Variants in AGO2 observed in about 807,000 individuals in gnomAD.
AGO2 encodes the protein protein argonaute-2.
A neutral mutation model predicts 102.3 loss-of-function variants in AGO2; 5 were observed. That is an observed-to-expected ratio of 0.05 (90% CI 0.03 to 0.10). The LOEUF is 0.10. Ranked by LOEUF, AGO2 falls within the 10% of genes least tolerant of loss-of-function variation. AGO2 has a pLI of 1.00. For synonymous variants in AGO2, 449 were observed against 473.1 expected (o/e 0.95, Z 0.66); for missense variants, 541 against 1,183.7 (o/e 0.46, Z 7.97).
At chr8:140,559,651 C>T in intron 5 of AGO2, 122 bp from the exon 6 acceptor site, 1 of 1,331,800 alleles carries the variant, frequency 7.5e-7, no homozygotes, top group Non-Finnish European at 1.0e-6. Flanking sequence ...CCGGGGTTCT[C>T]ACTCCCTACT....
At position 140,561,904 on chromosome 8, in the gene AGO2, C is replaced by T. The variant is rs571515122; in HGVS notation, c.518+549G>A. On this transcript the variant is annotated intron_variant, in intron 4 of 18. Coordinates refer to ENST00000220592, the MANE Select transcript of AGO2 (RefSeq NM_012154.5). ...TGAGCTGGCCTTGCTCCTGCAACAG[C>T]GGGCCACTCAGGAAATTAGTGCAAC... Among the ~76,000 whole-genome samples, 40 of 152,360 alleles carry T rather than the reference C, an allele frequency of 2.6e-4. 1 individual carries two copies. In the South Asian group the frequency reaches 4.1e-3, roughly 16 times the overall value.
At position 140,601,079 on chromosome 8, in the gene AGO2, A is replaced by G. The variant is rs763638566; in HGVS notation, c.23-15768T>C. Among the ~76,000 whole-genome samples, 128 of 152,312 alleles carry G rather than the reference A, an allele frequency of 8.4e-4. 1 individual carries two copies. The highest frequency in any genetic ancestry group is 1.0e-3 in the Non-Finnish European group (69 of 68,024). On this transcript the variant is annotated intron_variant, in intron 1 of 18. Transcript: ENST00000220592. ...CCCTGTGTCCACACAGCAGCCAGAGATACCAGGAAGGGCGACTGGGTCATC... is the reference window on the plus strand; with the variant it reads ...CCCTGTGTCCACACAGCAGCCAGAGGTACCAGGAAGGGCGACTGGGTCATC...
chr8:140,551,190 C>T (rs1251280004), intron 11 of AGO2, 113 bp downstream of exon 11: 10 of 1,271,570 alleles, frequency 7.9e-6, no homozygotes, highest in Non-Finnish European at 1.0e-5. Context: ...ACATCAAAAC[C>T]CATACCAGCA....
chr8:140,568,299 A>AG (rs1554705219), intron 3 of AGO2, among the ~76,000 whole-genome samples: 1 of 150,316 alleles, frequency 6.7e-6, no homozygotes, highest in Non-Finnish European at 1.5e-5. Context: ...AAAAAAAAAA[A>AG]AGAGAGAGCA....
intron 1 of AGO2, among the ~76,000 whole-genome samples, chr8:140,624,460 C>A (rs904438949): frequency 6.6e-6 from 1 of 152,250 alleles, no homozygotes; most frequent in Non-Finnish European, 1.5e-5. Context: ...ATCCAAACAC[C>A]CCTCCAGCTC....
chr8:140,565,915 T>C (rs2073276605), intron 3 of AGO2, among the ~76,000 whole-genome samples: 1 of 151,988 alleles, frequency 6.6e-6, no homozygotes, highest in South Asian at 2.1e-4. Flanking sequence ...CCCATCTCTG[T>C]GCTCCCAGTT....
intron 1 of AGO2, among the ~76,000 whole-genome samples, chr8:140,630,506 A>C (rs1042549520): frequency 6.6e-6 from 1 of 152,260 alleles, no homozygotes; most frequent in African/African-American, 2.4e-5. Flanking sequence ...ACAGCGAACA[A>C]GTGCAGGCCC....
chr8:140,603,135 C>T (rs1401615408), intron 1 of AGO2, among the ~76,000 whole-genome samples: 2 of 152,166 alleles, frequency 1.3e-5, no homozygotes, highest in East Asian at 1.9e-4. Context: ...TCGGATGGTG[C>T]GGGTTGACTC....
intron 2 of AGO2, among the ~76,000 whole-genome samples, chr8:140,581,264 T>A (rs972784808): frequency 6.6e-6 from 1 of 152,148 alleles, no homozygotes; most frequent in Non-Finnish European, 1.5e-5. Flanking sequence ...CCTGTAATTC[T>A]AGCACTTTGA....
rs759574901 is a variant in AGO2, at chr8:140,532,525, G to A, written c.2362C>T (p.His788Tyr). The A allele has an allele frequency of 6.2e-7, 1 of 1,614,282 alleles. No individual in the cohort carries two copies. ...ELQILTYQLC[H>Y]TYVRCTRSVS... The stretch of plus-strand genomic sequence containing the variant: ...GAGCGTGTGCAGCGCACGTAGGTGT[G>A]ACACAGCTGGTAGGTTAGGATCTGC... The change falls in exon 18 of 19, where the codon CAC (histidine) becomes TAC (tyrosine). Residue 788 changes from histidine (H) to tyrosine (Y), a missense_variant. By Grantham distance (83) the His-to-Tyr change is moderately conservative. This residue lies in a region of AGO2 where 309 missense variants were observed against 735.1 expected (regional missense o/e 0.42). Transcript: ENST00000220592.
intron 2 of AGO2, among the ~76,000 whole-genome samples, chr8:140,574,515 T>C (rs1486546691): frequency 6.6e-6 from 1 of 152,096 alleles, no homozygotes; most frequent in African/African-American, 2.4e-5. Flanking sequence ...CCTCCTGCCT[T>C]TGCCTCCTAA....
chr8:140,553,009 A>G (rs1321065696), intron 10 of AGO2, among the ~76,000 whole-genome samples: 1 of 152,242 alleles, frequency 6.6e-6, no homozygotes, highest in Non-Finnish European at 1.5e-5. Context: ...TGCACTAACA[A>G]TGGACCAGGG....
chr8:140,599,827 T>G (rs180803281), intron 1 of AGO2, among the ~76,000 whole-genome samples: 30 of 152,286 alleles, frequency 2.0e-4, no homozygotes, highest in Admixed American at 1.8e-3. Flanking sequence ...GTTCAAGCGA[T>G]CCTCCTGCCT....
intron 1 of AGO2, among the ~76,000 whole-genome samples, chr8:140,621,427 C>T (rs572909164): frequency 5.3e-4 from 81 of 152,314 alleles, no homozygotes; most frequent in African/African-American, 1.9e-3. Context: ...GCTCGCAAGG[C>T]AGAAGCCAAG....
At chr8:140,638,739 TAATTTTTAAAAACTTTTGTAG>T (rs1430396932), upstream of AGO2, among the ~76,000 whole-genome samples, 3 of 152,116 alleles carry the variant, frequency 2.0e-5, no homozygotes, top group Non-Finnish European at 4.4e-5. Context: ...CATGCCTGGC[TAATTTTTAAAAACTTTTGTAG>T]AGACAGGTCT....
At chr8:140,611,110 G>A (rs1032870775) in intron 1 of AGO2, among the ~76,000 whole-genome samples, 7 of 152,136 alleles carry the variant, frequency 4.6e-5, no homozygotes, top group African/African-American at 9.7e-5. Context: ...GGGCCAGAGC[G>A]GCTTGTGTTT....
At position 140,557,585 on chromosome 8, in the gene AGO2, CCG is replaced by C. The variant is rs1201668670; in HGVS notation, c.879-351_879-350del. ...GGTGACCCTGGAAGCCTTTTACGTG[CCG>C]CGCGCTCCCGGTGCCCAGAAGGCCT... On this transcript the variant is annotated intron_variant, in intron 7 of 18. Transcript: ENST00000220592. The surrounding 1 kb of genome is among the most constrained non-coding windows in gnomAD (Gnocchi z 5.9). Among the ~76,000 whole-genome samples the C allele has an allele frequency of 2.6e-5, 4 of 152,224 alleles. No homozygotes were observed. Among genetic ancestry groups the C allele is most frequent in the South Asian group, 2.1e-4 (1 of 4,836 alleles).
chr8:140,584,723 G>A (rs1355332300), intron 2 of AGO2, among the ~76,000 whole-genome samples: 1 of 152,110 alleles, frequency 6.6e-6, no homozygotes, highest in Non-Finnish European at 1.5e-5. Context: ...GATTGAGGGT[G>A]TGTCACTATA....
intron 2 of AGO2, among the ~76,000 whole-genome samples, chr8:140,579,796 T>C (rs1234789513): frequency 6.6e-6 from 1 of 152,224 alleles, no homozygotes; most frequent in Non-Finnish European, 1.5e-5. Flanking sequence ...CCAGACTGTC[T>C]TGTAAACAGG....
Sources: gnomAD v4.1 joint callset for allele counts (sites outside exome capture counted in the v4.1 genomes callset) on GRCh38, gnomAD v4.1.1 for gene constraint, gnomAD v4.1.1 regional missense constraint, Gnocchi (gnomAD v3.1) non-coding constraint, MANE v1.5 for transcripts, NCBI Gene and HGNC (gene_info 2026-07-23, HGNC 2026-07-21) for gene names.